EFCAB7: variants seen among roughly 807,000 people sequenced by gnomAD.
EFCAB7 encodes the protein EF-hand calcium-binding domain-containing protein 7.
A neutral mutation model predicts 77.1 loss-of-function variants in EFCAB7; 66 were observed. That is an observed-to-expected ratio of 0.86 (90% CI 0.70 to 1.05). EFCAB7 has a LOEUF of 1.05. Among genes scored for constraint, EFCAB7 ranks in the 50% least tolerant of loss-of-function variants. The pLI is 0.00. For missense variants in EFCAB7, 638 were observed against 730.5 expected (o/e 0.87, Z 1.46); for synonymous variants, 225 against 243.3 (o/e 0.92, Z 0.70).
chr1:63,545,944 G>T lies in EFCAB7; in HGVS notation c.833G>T (p.Cys278Phe), dbSNP rs1334852356. The change falls in exon 7 of 14, where the codon TGC becomes TTC. Residue 278 changes from cysteine to phenylalanine, a missense_variant. Transcript: ENST00000371088. ...KDWQHMQSKG[C>F]FFLEEDGEII... ...TGGCAACACATGCAATCAAAAGGTT[G>T]CTTCTTCTTAGAAGAAGATGGTGAA... 3.1e-6 allele frequency: 5 copies of T among 1,613,380 alleles called. No homozygotes were observed. Among genetic ancestry groups the T allele is most frequent in the Middle Eastern group, 1.6e-4 (1 of 6,080 alleles).
the EFCAB7 span, among the ~76,000 whole-genome samples, chr1:63,583,233 C>T: frequency 2.6e-5 from 4 of 152,146 alleles, no homozygotes; most frequent in African/African-American, 9.7e-5. Context: ...TTTATGAATG[C>T]AGTCACATTT....
At chr1:63,526,957 GT>G (rs1646602485) in intron 2 of EFCAB7, among the ~76,000 whole-genome samples, 1 of 152,126 alleles carries the variant, frequency 6.6e-6, no homozygotes, top group African/African-American at 2.4e-5. Flanking sequence ...TAGAGACGGG[GT>G]TTTGCCATGT....
chr1:63,547,921 T>G (rs1646918746), intron 7 of EFCAB7: 1 of 152,274 alleles, frequency 6.6e-6, no homozygotes, highest in East Asian at 1.9e-4. Flanking sequence ...TATATTCTGT[T>G]GCTCACAGAA....
intron 6 of EFCAB7, among the ~76,000 whole-genome samples, chr1:63,542,131 C>T (rs1646836406): frequency 6.6e-6 from 1 of 152,114 alleles, no homozygotes; most frequent in African/African-American, 2.4e-5. Context: ...TGGCAACCAC[C>T]ATTCTACTTT....
At chr1:63,532,177 G>T (rs977943943) in intron 3 of EFCAB7, 146 bp downstream of exon 3, 1 of 661,318 alleles carries the variant, frequency 1.5e-6, no homozygotes, top group African/African-American at 1.9e-5. Flanking sequence ...ACGTACTTAG[G>T]AATCCTTCTG....
rs761262578 is a variant in EFCAB7, at chr1:63,531,813, T to C, written c.188-7T>C. On this transcript the variant is annotated splice_polypyrimidine_tract_variant and splice_region_variant and intron_variant, in intron 2 of 13. Transcript: ENST00000371088. ...CAATCACAAATAATACTTGTCTTGTTGGGCAGCTCTTCAGCATGCAGGAAG... is the reference window on the plus strand; with the variant it reads ...CAATCACAAATAATACTTGTCTTGTCGGGCAGCTCTTCAGCATGCAGGAAG... 1 of 1,609,214 alleles carries C rather than the reference T, an allele frequency of 6.2e-7. No individual in the cohort carries two copies. Among genetic ancestry groups the C allele is most frequent in the Non-Finnish European group, 8.5e-7 (1 of 1,178,332 alleles).
intron 10 of EFCAB7, among the ~76,000 whole-genome samples, chr1:63,558,270 C>T (rs1163715008): frequency 6.6e-6 from 1 of 152,064 alleles, no homozygotes; most frequent in Non-Finnish European, 1.5e-5. Context: ...TTGTGGCTTT[C>T]TGATGGTAAA....
At chr1:63,525,799 G>T in intron 2 of EFCAB7, 40 bp downstream of exon 2, 1 of 1,380,996 alleles carries the variant, frequency 7.2e-7, no homozygotes, top group South Asian at 1.4e-5. Flanking sequence ...CCTTTTTGTT[G>T]AAAGTTAATA....
Position 63,546,044 on chromosome 1 carries a change from G to A in EFCAB7, c.933G>A (p.Leu311=). ...MVYLTIKPLN[L]SQVEGKPSPW... is the part of the protein sequence containing the mutation. ...ATCTAACAATTAAGCCATTAAACCT[G>A]AGTCAAGTTGAAGGCAAGTTTAAGT... Residue 311 remains leucine (L), a synonymous_variant, in exon 7 of 14, where the codon CTG becomes CTA. Transcript: ENST00000371088. The A allele has an allele frequency of 6.2e-7, 1 of 1,606,156 alleles. No individual in the cohort carries two copies. The highest frequency in any genetic ancestry group is 8.5e-7 in the Non-Finnish European group (1 of 1,178,278).
the EFCAB7 span, among the ~76,000 whole-genome samples, chr1:63,579,977 G>T: frequency 2.0e-5 from 3 of 152,126 alleles, no homozygotes; most frequent in East Asian, 5.8e-4. Context: ...GCCTTTTATT[G>T]GATATGTTAT....
intron 10 of EFCAB7, among the ~76,000 whole-genome samples, chr1:63,559,035 A>T (rs907317515): frequency 1.1e-4 from 16 of 151,728 alleles, no homozygotes; most frequent in Non-Finnish European, 2.2e-4. Context: ...AAAAAAAAAA[A>T]ATTGGCCTGT....
At chr1:63,551,680 T>C (rs766818420) in intron 7 of EFCAB7, 45 bp from the exon 8 acceptor site, 1 of 893,038 alleles carries the variant, frequency 1.1e-6, no homozygotes, top group Non-Finnish European at 1.6e-6. Flanking sequence ...GAATAGATAG[T>C]GATTGCTTAT....
intron 1 of EFCAB7, among the ~76,000 whole-genome samples, chr1:63,525,155 A>T (rs1187767814): frequency 6.6e-6 from 1 of 152,150 alleles, no homozygotes; most frequent in African/African-American, 2.4e-5. Flanking sequence ...ACATGTATTA[A>T]CTGATTTGCT....
intron 7 of EFCAB7, chr1:63,549,049 G>A (rs994135861): frequency 8.4e-6 from 2 of 239,420 alleles, no homozygotes; most frequent in Non-Finnish European, 1.6e-5. Flanking sequence ...CTATGACTCC[G>A]CCGGAAAAAT....
chr1:63,576,134 T>C (rs1247679135), downstream of EFCAB7, among the ~76,000 whole-genome samples: 3 of 152,098 alleles, frequency 2.0e-5, no homozygotes, highest in African/African-American at 7.2e-5. Flanking sequence ...ATAGATGAGA[T>C]TCATGTGGTG....
At chr1:63,579,321 A>C in the EFCAB7 span, among the ~76,000 whole-genome samples, 1 of 152,230 alleles carries the variant, frequency 6.6e-6, no homozygotes, top group Non-Finnish European at 1.5e-5. Context: ...ATCATGCAGT[A>C]TGTAACCTTT....
At chr1:63,569,553 G>C (rs1557690931) in intron 12 of EFCAB7, 1 of 152,200 alleles carries the variant, frequency 6.6e-6, no homozygotes, top group African/African-American at 2.4e-5. Context: ...CTAGGATTTA[G>C]ATATGCAGAC....
chr1:63,571,130 T>G lies in EFCAB7; in HGVS notation c.1815+2T>G. 6.3e-7 allele frequency: 1 copy of G among 1,591,246 alleles called. No homozygotes were observed. Among genetic ancestry groups the G allele is most frequent in the Non-Finnish European group, 8.6e-7 (1 of 1,166,460 alleles). On this transcript the variant is annotated splice_donor_variant, in intron 13 of 13. Transcript: ENST00000371088. LOFTEE classifies it high-confidence loss of function. ...GAAGTGGGACCCAAATCTACAATGGTAATGTATTATTTTCTAATTAAAGCC... is the reference window on the plus strand; with the variant it reads ...GAAGTGGGACCCAAATCTACAATGGGAATGTATTATTTTCTAATTAAAGCC...
intron 10 of EFCAB7, among the ~76,000 whole-genome samples, chr1:63,561,371 A>G (rs1027719755): frequency 6.6e-6 from 1 of 152,220 alleles, no homozygotes; most frequent in Non-Finnish European, 1.5e-5. Flanking sequence ...TCTTTGAAAT[A>G]TATAACAACG....
Sources: gnomAD v4.1 joint callset for allele counts (sites outside exome capture counted in the v4.1 genomes callset) on GRCh38, gnomAD v4.1.1 for gene constraint, MANE v1.5 for transcripts, NCBI Gene and HGNC (gene_info 2026-07-23, HGNC 2026-07-21) for gene names.